GPR158: variants seen among roughly 807,000 people sequenced by gnomAD.
GPR158 encodes the protein metabotropic glycine receptor.
GPR158 carries 30 observed loss-of-function variants against 78.2 expected under a neutral mutation model. The observed-to-expected ratio is 0.38, with a 90% CI of 0.29 to 0.52. The LOEUF (loss-of-function observed/expected upper bound fraction) is 0.52. GPR158 is among the 20% of genes least tolerant of loss of function. The pLI is 0.83. For synonymous variants in GPR158, 581 were observed against 591.1 expected (o/e 0.98, Z 0.25); for missense variants, 1,463 against 1,523.5 (o/e 0.96, Z 0.66).
At chr10:25,326,332 C>T (rs1295512540) in intron 2 of GPR158, among the ~76,000 whole-genome samples, 4 of 151,662 alleles carry the variant, frequency 2.6e-5, no homozygotes, top group Non-Finnish European at 5.9e-5. Context: ...ATATGTACCA[C>T]ATTTTCTTTA....
intron 2 of GPR158, among the ~76,000 whole-genome samples, chr10:25,288,492 G>A (rs1340129702): frequency 6.6e-6 from 1 of 152,170 alleles, no homozygotes; most frequent in Non-Finnish European, 1.5e-5. Flanking sequence ...ACAAATGGGA[G>A]TTCAGTTCCA....
At chr10:25,466,787 TACACACACAC>T (rs71399973) in intron 5 of GPR158, 68 bp downstream of exon 5, 2 of 707,288 alleles carry the variant, frequency 2.8e-6, no homozygotes, top group Admixed American at 2.7e-5. Context: ...AGTTACTGTT[TACACACACAC>T]ACACACACAT....
intron 2 of GPR158, among the ~76,000 whole-genome samples, chr10:25,372,042 C>T (rs182119878): frequency 0.021 from 3,137 of 151,614 alleles, 114 homozygotes; most frequent in African/African-American, 0.071. Context: ...AAAAAGTGGG[C>T]GAAGGACATG....
At chr10:25,426,645 A>G (rs576091019) in intron 4 of GPR158, among the ~76,000 whole-genome samples, 2 of 152,106 alleles carry the variant, frequency 1.3e-5, no homozygotes, top group East Asian at 1.9e-4. Context: ...GCTGTCTTAC[A>G]TGGGTGAGGT....
At position 25,355,034 on chromosome 10, in the gene GPR158, T is replaced by A. The variant is rs577056746; in HGVS notation, c.1009-40877T>A. On this transcript the variant is annotated intron_variant, in intron 2 of 10. Transcript: ENST00000376351. ...TTGATTATTAGATGCCTTGGGGTAG[T>A]CTTATTTGGATTAAATCTGTTTGGT... 1.3e-4 allele frequency among the ~76,000 whole-genome samples: 20 copies of A among 152,186 alleles called. No homozygotes were observed. The South Asian group carries it at 1.5e-3, about 11-fold the overall frequency.
chr10:25,394,474 G>A (rs1834342590), intron 2 of GPR158, among the ~76,000 whole-genome samples: 1 of 152,126 alleles, frequency 6.6e-6, no homozygotes, highest in South Asian at 2.1e-4. Context: ...TTGTATAACT[G>A]GAGCTTTATA....
At chr10:25,364,758 C>T (rs1855693797) in intron 2 of GPR158, among the ~76,000 whole-genome samples, 1 of 151,738 alleles carries the variant, frequency 6.6e-6, no homozygotes, top group African/African-American at 2.4e-5. Context: ...TTGGCCTTCC[C>T]ATTGACAGAT....
chr10:25,466,768 A>C lies in GPR158; in HGVS notation c.1404+49A>C, dbSNP rs145317848. On this transcript the variant is annotated intron_variant, in intron 5 of 10. Coordinates refer to ENST00000376351, the MANE Select transcript of GPR158 (RefSeq NM_020752.3). ...AAAGTAGAAATTTATTTTATGTTGCATACTATAAAGTTACTGTTTACACAC... is the reference window on the plus strand; with the variant it reads ...AAAGTAGAAATTTATTTTATGTTGCCTACTATAAAGTTACTGTTTACACAC... 499 of 1,022,652 alleles carry C rather than the reference A, an allele frequency of 4.9e-4. 2 individuals carry two copies. In the African/African-American group the frequency reaches 7.4e-3, roughly 15 times the overall value. 63.3% of individuals were successfully genotyped at this position (1,022,652 alleles called of 1,614,324 possible).
chr10:25,353,712 T>C (rs2130522895), intron 2 of GPR158, among the ~76,000 whole-genome samples: 1 of 152,238 alleles, frequency 6.6e-6, no homozygotes, highest in East Asian at 1.9e-4. Flanking sequence ...TTATGGAATA[T>C]CTTTTTCTAC....
chr10:25,384,459 CAGA>C (rs1194486766), intron 2 of GPR158, among the ~76,000 whole-genome samples: 4 of 151,970 alleles, frequency 2.6e-5, no homozygotes, highest in Admixed American at 2.0e-4. Flanking sequence ...TCACAGTGTT[CAGA>C]AGAAGATGTT....
chr10:25,221,255 G>A, intron 2 of GPR158, 98 bp downstream of exon 2: 2 of 631,370 alleles, frequency 3.2e-6, no homozygotes, highest in Non-Finnish European at 5.4e-6. Flanking sequence ...CATCTTACTG[G>A]GAAGAAAATC....
chr10:25,241,249 C>T (rs1588752649), intron 2 of GPR158, among the ~76,000 whole-genome samples: 3 of 99,906 alleles, frequency 3.0e-5, no homozygotes, highest in African/African-American at 4.1e-5. Flanking sequence ...TCCTTTCTTT[C>T]CTTTCTTTCC....
chr10:25,551,635 C>A (rs1836726154), intron 6 of GPR158, among the ~76,000 whole-genome samples: 1 of 152,122 alleles, frequency 6.6e-6, no homozygotes, highest in African/African-American at 2.4e-5. Context: ...ATACTTAGTT[C>A]TAAACCACCT....
chr10:25,550,465 T>C (rs11816330), intron 5 of GPR158, among the ~76,000 whole-genome samples: 24,490 of 151,914 alleles, frequency 0.16, 4,218 homozygotes, highest in African/African-American at 0.43. Context: ...GCCAGAAGTG[T>C]GGAGGTGGGA....
In GPR158 at chr10:25,478,490, A is replaced by ATGTGTG. The variant is rs570190934; in HGVS notation, c.1404+11773_1404+11774insTGTGTG. ...GAAATAGAAATAGATGAAATATATA[A>ATGTGTG]TGCGTGTGTGTGTGTGTGTGTGTGT... On this transcript the variant is annotated intron_variant, in intron 5 of 10. Transcript: ENST00000376351. Among the ~76,000 whole-genome samples the ATGTGTG allele has an allele frequency of 3.2e-3, 444 of 138,088 alleles. 1 individual carries two copies. The highest frequency in any genetic ancestry group is 0.012 in the African/African-American group (374 of 32,184). 90.6% of individuals were successfully genotyped at this position (138,088 alleles called of 152,430 possible).
intron 2 of GPR158, among the ~76,000 whole-genome samples, chr10:25,272,660 T>C (rs1564407714): frequency 6.6e-6 from 1 of 152,150 alleles, no homozygotes; most frequent in Non-Finnish European, 1.5e-5. Context: ...AAGACAGAAG[T>C]TGGTCCTCCT....
chr10:25,207,347 G>A (rs184687344), intron 1 of GPR158, among the ~76,000 whole-genome samples: 112 of 152,196 alleles, frequency 7.4e-4, no homozygotes, highest in African/African-American at 2.6e-3. Context: ...CTATTAATCT[G>A]TTTCCCCCCT....
At chr10:25,440,239 A>C (rs1038272565) in intron 4 of GPR158, among the ~76,000 whole-genome samples, 1 of 152,228 alleles carries the variant, frequency 6.6e-6, no homozygotes, top group Admixed American at 6.5e-5. Flanking sequence ...ATAGTGGCTC[A>C]GTACAGGGGC....
chr10:25,204,988 T>C (rs1040661706), intron 1 of GPR158, among the ~76,000 whole-genome samples: 2 of 152,040 alleles, frequency 1.3e-5, no homozygotes, highest in Non-Finnish European at 2.9e-5. Context: ...GCTTCCCCCA[T>C]ACTGTTCTTA....
Sources: allele counts gnomAD v4.1 joint callset (sites outside exome capture counted in the v4.1 genomes callset), GRCh38; gene constraint gnomAD v4.1.1; transcripts MANE v1.5; gene names NCBI Gene and HGNC (gene_info 2026-07-23, HGNC 2026-07-21).